Variants in LMO1 observed in about 807,000 individuals in gnomAD.
LMO1 encodes LIM domain only 1.
A neutral mutation model predicts 18.0 loss-of-function variants in LMO1; 10 were observed. The observed-to-expected ratio is 0.55, with a 90% CI of 0.34 to 0.94. The LOEUF (loss-of-function observed/expected upper bound fraction) is 0.94. Among genes scored for constraint, LMO1 ranks in the 40% least tolerant of loss-of-function variants. The pLI is 0.02. For synonymous variants in LMO1, 77 were observed against 77.9 expected, an observed-to-expected ratio of 0.99 and a Z score of 0.06; for missense variants, 183 against 205.7, an observed-to-expected ratio of 0.89 and a Z score of 0.68.
At chr11:8,237,461 G>A (rs1196218316) in intron 1 of LMO1, among the ~76,000 whole-genome samples, 1 of 152,220 alleles carries the variant, frequency 6.6e-6, no homozygotes, top group African/African-American at 2.4e-5. Flanking sequence ...TCGTCTCACT[G>A]CACTCCTATT....
At chr11:8,227,899 C>G (rs1952576953) in intron 2 of LMO1, among the ~76,000 whole-genome samples, 1 of 152,202 alleles carries the variant, frequency 6.6e-6, no homozygotes. Context: ...GAACTCCTGG[C>G]CTCAACTGAT....
chr11:8,259,350 A>G (rs951464919), intron 1 of LMO1, among the ~76,000 whole-genome samples: 2 of 152,124 alleles, frequency 1.3e-5, no homozygotes, highest in African/African-American at 4.8e-5. Flanking sequence ...ACCCATCTTT[A>G]CAGACACTCT....
intron 1 of LMO1, among the ~76,000 whole-genome samples, chr11:8,254,089 G>A (rs890113705): frequency 6.6e-6 from 1 of 152,094 alleles, no homozygotes; most frequent in African/African-American, 2.4e-5. Flanking sequence ...CGTATGAGAG[G>A]AAAATTATAC....
At chr11:8,259,325 G>A (rs986810044) in intron 1 of LMO1, among the ~76,000 whole-genome samples, 3 of 152,180 alleles carry the variant, frequency 2.0e-5, no homozygotes. Flanking sequence ...TGTGTGTGGG[G>A]TTGGGGGGCG....
chr11:8,244,235 T>C (rs1384093612), intron 1 of LMO1, among the ~76,000 whole-genome samples: 1 of 152,188 alleles, frequency 6.6e-6, no homozygotes, highest in Admixed American at 6.5e-5. Flanking sequence ...CAGCCCCTCC[T>C]AGCCCCCAGC....
At chr11:8,266,363 G>A (rs765197252), upstream of LMO1, among the ~76,000 whole-genome samples, 9 of 140,594 alleles carry the variant, frequency 6.4e-5, no homozygotes, top group Non-Finnish European at 1.2e-4. Flanking sequence ...CCCCATACTC[G>A]CCCCACCCCC....
chr11:8,251,148 T>C (rs552677164), intron 1 of LMO1, among the ~76,000 whole-genome samples: 20 of 152,242 alleles, frequency 1.3e-4, no homozygotes, highest in African/African-American at 4.8e-4. Flanking sequence ...CCAACAGTCA[T>C]GTCTCCATAT....
At chr11:8,251,606 G>A (rs1008010651) in intron 1 of LMO1, among the ~76,000 whole-genome samples, 1 of 152,118 alleles carries the variant, frequency 6.6e-6, no homozygotes, top group Non-Finnish European at 1.5e-5. Flanking sequence ...CCCAGCCTTG[G>A]AAAACTGACC....
At chr11:8,228,610 T>C (rs1466895429) in intron 2 of LMO1, among the ~76,000 whole-genome samples, 1 of 149,946 alleles carries the variant, frequency 6.7e-6, no homozygotes, top group Non-Finnish European at 1.5e-5. Flanking sequence ...CCCAGCCCAC[T>C]GGTCTAGCTG....
At chr11:8,234,946 C>T (rs1415332024) in intron 1 of LMO1, among the ~76,000 whole-genome samples, 3 of 152,184 alleles carry the variant, frequency 2.0e-5, no homozygotes, top group African/African-American at 4.8e-5. Flanking sequence ...AGTTTCAAGT[C>T]GGAACTGCTC....
chr11:8,261,042 TG>T (rs1235453884), intron 1 of LMO1, among the ~76,000 whole-genome samples: 8 of 152,188 alleles, frequency 5.3e-5, no homozygotes, highest in African/African-American at 1.7e-4. Context: ...CAAGGTTTCC[TG>T]GAACTATGGG....
chr11:8,254,858 C>A (rs1163685523), intron 1 of LMO1, among the ~76,000 whole-genome samples: 1 of 152,166 alleles, frequency 6.6e-6, no homozygotes, highest in East Asian at 1.9e-4. Context: ...CACAGCCCAG[C>A]CCTGGCATTC....
At chr11:8,228,810 A>G (rs1346617225) in intron 2 of LMO1, among the ~76,000 whole-genome samples, 1 of 152,072 alleles carries the variant, frequency 6.6e-6, no homozygotes, top group African/African-American at 2.4e-5. Context: ...CTAACCTGGT[A>G]GAGTCAGCCC....
At chr11:8,258,320 C>A (rs1847131192) in intron 1 of LMO1, among the ~76,000 whole-genome samples, 3 of 152,174 alleles carry the variant, frequency 2.0e-5, no homozygotes, top group Admixed American at 2.0e-4. Flanking sequence ...CTGGAGGGAG[C>A]TCCTAACTCC....
intron 1 of LMO1, among the ~76,000 whole-genome samples, chr11:8,250,773 G>A (rs1846977345): frequency 6.6e-6 from 1 of 152,222 alleles, no homozygotes; most frequent in Non-Finnish European, 1.5e-5. Context: ...TACTCAGAAA[G>A]TATTTCAGAA....
intron 1 of LMO1, among the ~76,000 whole-genome samples, chr11:8,233,349 C>T (rs1160645935): frequency 6.6e-6 from 1 of 152,206 alleles, no homozygotes; most frequent in East Asian, 1.9e-4. Flanking sequence ...GACCAGACTC[C>T]AGGTCTGCAG....
chr11:8,253,019 T>G (rs530643340), intron 1 of LMO1, among the ~76,000 whole-genome samples: 1 of 152,328 alleles, frequency 6.6e-6, no homozygotes, highest in South Asian at 2.1e-4. Flanking sequence ...TGCAGACAGC[T>G]CTCTGCCTGA....
intron 1 of LMO1, among the ~76,000 whole-genome samples, chr11:8,238,545 C>T (rs1020990703): frequency 2.0e-5 from 3 of 151,936 alleles, no homozygotes; most frequent in African/African-American, 7.3e-5. Flanking sequence ...GTGGCGGGTG[C>T]CTGTAATCCC....
chr11:8,225,449 G>T, intron 3 of LMO1, among the ~76,000 whole-genome samples: 1 of 147,168 alleles, frequency 6.8e-6, no homozygotes, highest in African/African-American at 2.5e-5. Context: ...GATGGGTAAG[G>T]AAGGAGGGAT....
Sources: gnomAD v4.1 joint callset for allele counts (sites outside exome capture counted in the v4.1 genomes callset) on GRCh38, gnomAD v4.1.1 for gene constraint, MANE v1.5 for transcripts, NCBI Gene and HGNC (gene_info 2026-07-23, HGNC 2026-07-21) for gene names.